The following NUBPL variants were observed in gnomAD, a reference collection of about 807,000 sequenced individuals.
The protein encoded by NUBPL is iron-sulfur cluster transfer protein NUBPL.
A neutral mutation model predicts 45.7 loss-of-function variants in NUBPL; 31 were observed. The ratio of observed to expected loss-of-function variants is 0.68; its 90% CI spans 0.51 to 0.92. NUBPL has a LOEUF of 0.92. NUBPL is among the 40% of genes least tolerant of loss of function. The probability of loss-of-function intolerance (pLI) is 0.00; values close to 1 mark genes in which losing one functional copy is unlikely to be tolerated. For synonymous variants in NUBPL, 144 were observed against 140.9 expected, an observed-to-expected ratio of 1.02 and a Z score of -0.15; for missense variants, 401 against 398.7, an observed-to-expected ratio of 1.01 and a Z score of -0.05.
At chr14:31,688,598 A>G (rs2037013792) in intron 6 of NUBPL, among the ~76,000 whole-genome samples, 1 of 150,478 alleles carries the variant, frequency 6.6e-6, no homozygotes, top group African/African-American at 2.4e-5. Flanking sequence ...AAAAGAAAAA[A>G]AAAAAAAAAA....
chr14:31,677,240 A>C (rs541359269), intron 6 of NUBPL, among the ~76,000 whole-genome samples: 4 of 152,176 alleles, frequency 2.6e-5, no homozygotes, highest in Non-Finnish European at 5.9e-5. Flanking sequence ...ATTTTTTACT[A>C]TAACTACAGT....
chr14:31,702,748 T>G (rs2037366938), intron 6 of NUBPL, among the ~76,000 whole-genome samples: 1 of 152,238 alleles, frequency 6.6e-6, no homozygotes, highest in Non-Finnish European at 1.5e-5. Flanking sequence ...CTACTAATTC[T>G]GTTATACCCC....
chr14:31,840,506 G>A (rs917142412), intron 8 of NUBPL, among the ~76,000 whole-genome samples: 9 of 151,576 alleles, frequency 5.9e-5, no homozygotes, highest in African/African-American at 2.2e-4. Flanking sequence ...CCCAGAAGGC[G>A]GAGCTTGCAG....
intron 6 of NUBPL, among the ~76,000 whole-genome samples, chr14:31,755,965 C>G (rs74628692): frequency 0.37 from 56,164 of 151,820 alleles, 12,707 homozygotes; most frequent in East Asian, 0.6. Context: ...AATCCTTTCC[C>G]CATTGCTTAT....
At chr14:31,787,422 T>TA (rs985723243) in intron 6 of NUBPL, among the ~76,000 whole-genome samples, 2 of 152,082 alleles carry the variant, frequency 1.3e-5, no homozygotes, top group Non-Finnish European at 2.9e-5. Flanking sequence ...ATGCAAAATT[T>TA]AAAAAAAGGT....
intron 4 of NUBPL, among the ~76,000 whole-genome samples, chr14:31,658,574 G>A (rs998998888): frequency 1.5e-4 from 22 of 151,426 alleles, no homozygotes; most frequent in African/African-American, 4.9e-4. Flanking sequence ...GTGCAGTGAC[G>A]TGATTTCAGC....
intron 6 of NUBPL, among the ~76,000 whole-genome samples, chr14:31,711,397 A>C (rs944418631): frequency 6.6e-6 from 1 of 152,166 alleles, no homozygotes; most frequent in East Asian, 1.9e-4. Context: ...TAGCCCCTGA[A>C]TTCTAAGGAG....
chr14:31,730,236 G>T (rs1291805030), intron 6 of NUBPL, among the ~76,000 whole-genome samples: 1 of 152,146 alleles, frequency 6.6e-6, no homozygotes, highest in Admixed American at 6.5e-5. Flanking sequence ...AAGGATGTTT[G>T]TTGATCATAG....
chr14:31,663,191 C>A (rs567476320), intron 4 of NUBPL, among the ~76,000 whole-genome samples: 2 of 152,262 alleles, frequency 1.3e-5, no homozygotes, highest in African/African-American at 4.8e-5. Context: ...TGTAGGTTGC[C>A]TGTTCACTCT....
intron 7 of NUBPL, among the ~76,000 whole-genome samples, chr14:31,794,036 C>T (rs1234167915): frequency 1.2e-5 from 1 of 80,888 alleles, no homozygotes; most frequent in Non-Finnish European, 2.3e-5. Context: ...CAATTTCATC[C>T]ATGTCCCTAC....
chr14:31,818,009 G>C (rs1191544918), intron 7 of NUBPL, among the ~76,000 whole-genome samples: 1 of 152,092 alleles, frequency 6.6e-6, no homozygotes, highest in Non-Finnish European at 1.5e-5. Context: ...AAAAAGCATG[G>C]GTTGCAATCC....
intron 4 of NUBPL, among the ~76,000 whole-genome samples, chr14:31,667,233 A>T (rs1441197068): frequency 6.6e-6 from 1 of 152,030 alleles, no homozygotes; most frequent in East Asian, 1.9e-4. Flanking sequence ...TATTTCTTGG[A>T]GGCTTTGTCC....
intron 3 of NUBPL, among the ~76,000 whole-genome samples, chr14:31,597,679 TA>T (rs1313995551): frequency 6.6e-6 from 1 of 152,160 alleles, no homozygotes; most frequent in Non-Finnish European, 1.5e-5. Context: ...TTGATATAAA[TA>T]AGAGAACAAG....
At chr14:31,800,814 G>T (rs927995778) in intron 7 of NUBPL, 2 of 152,168 alleles carry the variant, frequency 1.3e-5, no homozygotes, top group African/African-American at 2.4e-5. Context: ...AATATGTGAA[G>T]CATGTTTTCT....
At chr14:31,716,071 C>T (rs2037682278) in intron 6 of NUBPL, among the ~76,000 whole-genome samples, 1 of 151,884 alleles carries the variant, frequency 6.6e-6, no homozygotes, top group Non-Finnish European at 1.5e-5. Context: ...GCTAGGCCTA[C>T]ATGGGTCAGG....
intron 6 of NUBPL, among the ~76,000 whole-genome samples, chr14:31,749,457 T>A (rs2038473818): frequency 6.6e-6 from 1 of 152,174 alleles, no homozygotes; most frequent in Non-Finnish European, 1.5e-5. Context: ...CATTTCCGAT[T>A]TTTGCTGGGT....
At chr14:31,642,541 C>A (rs920632122) in intron 4 of NUBPL, among the ~76,000 whole-genome samples, 5 of 152,014 alleles carry the variant, frequency 3.3e-5, no homozygotes, top group African/African-American at 1.2e-4. Flanking sequence ...TTCCATTGGT[C>A]TATGTCTGTG....
intron 3 of NUBPL, among the ~76,000 whole-genome samples, chr14:31,575,029 T>G (rs1718818473): frequency 7.2e-6 from 1 of 138,006 alleles, no homozygotes; most frequent in Non-Finnish European, 1.6e-5. Flanking sequence ...TTCTGTTATT[T>G]CTTTTTTATT....
chr14:31,771,554 T>G (rs1255985161), intron 6 of NUBPL, among the ~76,000 whole-genome samples: 1 of 152,198 alleles, frequency 6.6e-6, no homozygotes, highest in Non-Finnish European at 1.5e-5. Flanking sequence ...TGTGCAAGAC[T>G]AGGAACATGA....
Sources: allele counts gnomAD v4.1 joint callset (sites outside exome capture counted in the v4.1 genomes callset), GRCh38; gene constraint gnomAD v4.1.1; transcripts MANE v1.5; gene names NCBI Gene and HGNC (gene_info 2026-07-23, HGNC 2026-07-21).